Variants in SALL3 observed in about 807,000 individuals in gnomAD.
SALL3 encodes the protein sal-like protein 3.
In SALL3, 25 loss-of-function variants were observed where a neutral mutation model predicts 66.2. That is an observed-to-expected ratio of 0.38 (90% confidence interval 0.28 to 0.53). The LOEUF (loss-of-function observed/expected upper bound fraction) is 0.53. Ranked by LOEUF, SALL3 falls within the 20% of genes least tolerant of loss-of-function variation. The pLI is 0.85. For missense variants in SALL3, 2,194 were observed against 1,916.5 expected, an observed-to-expected ratio of 1.14 and a Z score of -2.70; for synonymous variants, 1,152 against 899.1, an observed-to-expected ratio of 1.28 and a Z score of -5.03.
chr18:78,983,660 C>T (rs114485647), intron 1 of SALL3, among the ~76,000 whole-genome samples: 28 of 152,256 alleles, frequency 1.8e-4, no homozygotes, highest in African/African-American at 5.3e-4. Flanking sequence ...CAGTGCTTGG[C>T]GCAGGATCTT....
intron 1 of SALL3, 31 bp downstream of exon 1, chr18:78,980,387 G>C (rs888036449): frequency 2.5e-4 from 327 of 1,320,910 alleles, no homozygotes; most frequent in Non-Finnish European, 3.0e-4. Context: ...GTGGCCGGGG[G>C]GTCTGGGGCT....
At position 78,980,233 on chromosome 18, in the gene SALL3, T is replaced by C. The variant is rs1913965240; in HGVS notation, c.-42T>C. On this transcript the variant is annotated 5_prime_UTR_variant, in exon 1 of 3. Transcript: ENST00000537592. ...GCGCCGTCCCCGCCGGCCGCCCCGC[T>C]GATGCCGCTGCCCCGCGCGGGGCCC... 3.9e-6 allele frequency: 4 copies of C among 1,023,050 alleles called. No individual in the cohort carries two copies. In the Admixed American group the frequency reaches 1.7e-4, roughly 43 times the overall value. 63.4% of individuals were successfully genotyped at this position (1,023,050 alleles called of 1,614,324 possible).
At position 78,997,596 on chromosome 18, in the gene SALL3, T is replaced by C. The variant is rs1050891413; in HGVS notation, c.*274T>C. On this transcript the variant is annotated 3_prime_UTR_variant, in exon 3 of 3. Coordinates refer to ENST00000537592, the MANE Select transcript of SALL3 (RefSeq NM_171999.4). ...TTAGGAACAGAAAGAGCTCAGACCA[T>C]GTCCACTTCCTTTCTCCTGAAACCT... is the stretch of plus-strand genomic sequence containing the variant. 4 of 467,226 alleles carry C rather than the reference T, an allele frequency of 8.6e-6. No homozygotes were observed. Among genetic ancestry groups the C allele is most frequent in the East Asian group, 3.2e-5 (1 of 30,958 alleles). 28.9% of individuals were successfully genotyped at this position (467,226 alleles called of 1,614,324 possible). A position where few individuals can be genotyped will look rare whatever the true frequency, so the allele number is the denominator to read the frequency against.
rs141579887 is a variant in SALL3 at position 78,993,461 on chromosome 18, C to T, written c.1470C>T (p.Asn490=). The part of the protein sequence containing the change: ...NPYPVPEYLD[N]VPTCSGIPYG... ...ACCCGGTCCCCGAGTACCTGGACAACGTGCCCACCTGCTCGGGCATCCCCT... is the reference window on the plus strand; with the variant it reads ...ACCCGGTCCCCGAGTACCTGGACAATGTGCCCACCTGCTCGGGCATCCCCT... The change falls in exon 2 of 3, where the codon AAC becomes AAT. Residue 490 remains asparagine (N), a synonymous_variant. Coordinates refer to ENST00000537592, the MANE Select transcript of SALL3 (RefSeq NM_171999.4). 4.5e-5 allele frequency: 72 copies of T among 1,612,768 alleles called. No individual in the cohort carries two copies. Among genetic ancestry groups the T allele is most frequent in the Non-Finnish European group, 5.7e-5 (67 of 1,179,940 alleles).
In SALL3 at chr18:78,994,597, C is replaced by T. The variant is rs542588380; in HGVS notation, c.2606C>T (p.Ser869Phe). The change falls in exon 2 of 3, where the codon TCC becomes TTC. Residue 869 changes from serine (S) to phenylalanine (F), a missense_variant. Transcript: ENST00000537592. Reference sequence around the variant, plus strand: ...GGCCTCAAGTCCGTGGAGAACGGGTCCGGGGAGAGTGACCGCCTGAGCAAC... The same window carrying T: ...GGCCTCAAGTCCGTGGAGAACGGGTTCGGGGAGAGTGACCGCCTGAGCAAC... The part of the protein sequence containing the change: ...LTGLKSVENG[S>F]GESDRLSNDS... 3.7e-6 allele frequency: 6 copies of T among 1,610,076 alleles called. No individual in the cohort carries two copies. In the African/African-American group the frequency reaches 6.7e-5, roughly 18 times the overall value.
Position 78,995,234 on chromosome 18 carries a change from C to T in SALL3, c.3243C>T (p.Pro1081=), listed in dbSNP as rs1040213150. 6.9e-6 allele frequency: 11 copies of T among 1,603,678 alleles called. No individual in the cohort carries two copies. Among genetic ancestry groups the T allele is most frequent in the East Asian group, 2.2e-5 (1 of 44,812 alleles). The part of the protein sequence containing the change: ...AMALGEGPPL[P]AGVQVPAGPQ... ...CGCTGGGCGAGGGTCCCCCGCTGCCCGCGGGCGTCCAGGTCCCCGCCGGGC... is the reference window on the plus strand; with the variant it reads ...CGCTGGGCGAGGGTCCCCCGCTGCCTGCGGGCGTCCAGGTCCCCGCCGGGC... Residue 1081 remains proline (P), a synonymous_variant, in exon 2 of 3, where the codon CCC becomes CCT. Coordinates refer to ENST00000537592, the MANE Select transcript of SALL3 (RefSeq NM_171999.4).
Position 78,992,467 on chromosome 18 carries a change from A to C in SALL3, c.476A>C (p.Tyr159Ser), listed in dbSNP as rs771761995. 1 of 1,443,148 alleles carries C rather than the reference A, an allele frequency of 6.9e-7. No homozygotes were observed. 89.4% of individuals were successfully genotyped at this position (1,443,148 alleles called of 1,614,324 possible). The change falls in exon 2 of 3, where the codon TAC (tyrosine) becomes TCC (serine). Residue 159 changes from tyrosine to serine, a missense_variant. Tyr to Ser is a moderately radical substitution (Grantham distance 144). Transcript: ENST00000537592. ...PAAPAPPTPA[Y>S]GAPSTNVTLE... ...GCCCCTGCACCCCCAACGCCCGCCT[A>C]CGGCGCGCCCAGCACCAACGTGACC...
chr18:78,994,475 C>G lies in SALL3; in HGVS notation c.2484C>G (p.Ser828=). Reference sequence around the variant, plus strand: ...AGCCACTCCTGTCCTACGCGGGGTCCTGCCCGCCCTCCCCGCCCTCGGTCA... The same window carrying G: ...AGCCACTCCTGTCCTACGCGGGGTCGTGCCCGCCCTCCCCGCCCTCGGTCA... ...PAKPLLSYAG[S]CPPSPPSVIS... The change falls in exon 2 of 3, where the codon TCC becomes TCG. Residue 828 remains serine, a synonymous_variant. Transcript: ENST00000537592. The G allele has an allele frequency of 6.2e-7, 1 of 1,611,170 alleles. No homozygotes were observed. Among genetic ancestry groups the G allele is most frequent in the South Asian group, 1.1e-5 (1 of 91,056 alleles).
Position 78,996,998 on chromosome 18 carries a change from T to C in SALL3, c.3579T>C (p.Ser1193=). The C allele has an allele frequency of 1.2e-6, 2 of 1,614,158 alleles. No individual in the cohort carries two copies. The highest frequency in any genetic ancestry group is 1.7e-6 in the Non-Finnish European group (2 of 1,180,052). ...TAGGGGGTGATGCCCTGAAGTTCTCTGAAATGTTCCAGAAGGACCTGGCAG... is the reference window on the plus strand; with the variant it reads ...TAGGGGGTGATGCCCTGAAGTTCTCCGAAATGTTCCAGAAGGACCTGGCAG... The part of the protein sequence containing the change: ...ALLGGDALKF[S]EMFQKDLAAR... Residue 1193 remains serine, a synonymous_variant, in exon 3 of 3, where the codon TCT becomes TCC. Transcript: ENST00000537592.
In SALL3 at chr18:78,994,627, C is replaced by A. The variant is rs1299906939; in HGVS notation, c.2636C>A (p.Ser879Tyr). Residue 879 changes from serine (S) to tyrosine (Y), a missense_variant, in exon 2 of 3, where the codon TCC becomes TAC. Physicochemically the swap from Ser to Tyr is moderately radical, Grantham distance 144. Coordinates refer to ENST00000537592, the MANE Select transcript of SALL3 (RefSeq NM_171999.4). ...SGESDRLSND[S>Y]SSAVGDLESR... ...GAGAGTGACCGCCTGAGCAACGACTCCTCGTCGGCCGTGGGCGACCTGGAG... is the reference window on the plus strand; with the variant it reads ...GAGAGTGACCGCCTGAGCAACGACTACTCGTCGGCCGTGGGCGACCTGGAG... 6.2e-7 allele frequency: 1 copy of A among 1,608,924 alleles called. No homozygotes were observed. Among genetic ancestry groups the A allele is most frequent in the Admixed American group, 1.7e-5 (1 of 59,832 alleles).
intron 1 of SALL3, among the ~76,000 whole-genome samples, 172 bp downstream of exon 1, chr18:78,980,528 G>C (rs1914002650): frequency 6.6e-6 from 1 of 151,504 alleles, no homozygotes; most frequent in Non-Finnish European, 1.5e-5. Context: ...CGGGTACTTC[G>C]CCGGAGCGCG....
Position 78,997,238 on chromosome 18 carries a change from C to CTCT in SALL3, c.3820_3821insCTT (p.Ser1273dup). On this transcript the variant is annotated inframe_insertion, in exon 3 of 3. Transcript: ENST00000537592. ...CTGGCAGTAGCCCACCCATCGTCAG[C>CTCT]TTGGACAAAGCGAGCTCAGAAACAG... 6.2e-7 allele frequency: 1 copy of CTCT among 1,614,034 alleles called. No homozygotes were observed. Among genetic ancestry groups the CTCT allele is most frequent in the Non-Finnish European group, 8.5e-7 (1 of 1,180,040 alleles).
At position 78,997,479 on chromosome 18, in the gene SALL3, G is replaced by A. The variant is rs1914739702; in HGVS notation, c.*157G>A. ...GGTGGTCTTGTAAGCGCTGCATGGC[G>A]CTCCCTTCAACAGCAAGCCTGACTG... On this transcript the variant is annotated 3_prime_UTR_variant, in exon 3 of 3. Transcript: ENST00000537592. 1.9e-5 allele frequency: 13 copies of A among 670,992 alleles called. 1 individual carries two copies. The East Asian group carries it at 2.5e-4, about 13-fold the overall frequency. The allele number at this position is 670,992 out of a possible 1,614,324, so 41.6% of individuals were successfully genotyped here. A position where few individuals can be genotyped will look rare whatever the true frequency, so the allele number is the denominator to read the frequency against.
intron 1 of SALL3, among the ~76,000 whole-genome samples, chr18:78,989,981 T>G (rs1324312371): frequency 6.6e-6 from 1 of 152,214 alleles, no homozygotes; most frequent in Non-Finnish European, 1.5e-5. Flanking sequence ...TTCTTTGCAT[T>G]TTGTGATTAT....
At position 78,994,256 on chromosome 18, in the gene SALL3, G is replaced by A. The variant is rs759455064; in HGVS notation, c.2265G>A (p.Gln755=). ...QKKFTNAVVL[Q]QHIRMHMGGQ... ...AGTTCACCAACGCCGTGGTCCTGCA[G>A]CAGCACATCCGCATGCACATGGGCG... The change falls in exon 2 of 3, where the codon CAG becomes CAA. Residue 755 remains glutamine (Q), a synonymous_variant. Transcript: ENST00000537592. 1.1e-5 allele frequency: 17 copies of A among 1,613,664 alleles called. No homozygotes were observed. The highest frequency in any genetic ancestry group is 1.6e-4 in the Middle Eastern group (1 of 6,084).
At chr18:78,996,562 T>G (rs1026375970) in intron 2 of SALL3, among the ~76,000 whole-genome samples, 2 of 152,182 alleles carry the variant, frequency 1.3e-5, no homozygotes, top group Non-Finnish European at 2.9e-5. Flanking sequence ...CTTGGGCAAG[T>G]GAAGGAGCAA....
chr18:78,994,200 G>A lies in SALL3; in HGVS notation c.2209G>A (p.Val737Met), dbSNP rs147654064. Residue 737 changes from valine to methionine, a missense_variant, in exon 2 of 3, where the codon GTG becomes ATG. Physicochemically the swap from Val to Met is conservative, Grantham distance 21. Coordinates refer to ENST00000537592, the MANE Select transcript of SALL3 (RefSeq NM_171999.4). ...GVHRAKPPLR[V>M]QHSCPICQKK... is the part of the protein sequence containing the mutation. ...GCACCGTGCAAAGCCGCCCCTGCGCGTGCAGCACTCCTGCCCCATCTGCCA... is the reference window on the plus strand; with the variant it reads ...GCACCGTGCAAAGCCGCCCCTGCGCATGCAGCACTCCTGCCCCATCTGCCA... The A allele has an allele frequency of 2.9e-5, 47 of 1,613,372 alleles. No homozygotes were observed. The highest frequency in any genetic ancestry group is 4.0e-5 in the African/African-American group (3 of 74,944).
chr18:78,994,506 A>G lies in SALL3; in HGVS notation c.2515A>G (p.Ser839Gly). The G allele has an allele frequency of 7.1e-7, 1 of 1,400,392 alleles. No individual in the cohort carries two copies. The highest frequency in any genetic ancestry group is 9.6e-7 in the Non-Finnish European group (1 of 1,044,712). The allele number at this position is 1,400,392 out of a possible 1,614,324, so 86.7% of individuals were successfully genotyped here. The change falls in exon 2 of 3, where the codon AGC becomes GGC. Residue 839 changes from serine (S) to glycine (G), a missense_variant. Coordinates refer to ENST00000537592, the MANE Select transcript of SALL3 (RefSeq NM_171999.4). ...GCCCTCCCCGCCCTCGGTCATCTCC[A>G]GCATTGCCGCCCTGGAGAACCAGAT... is the stretch of plus-strand genomic sequence containing the variant. ...CPPSPPSVISSIAALENQMKM... is the reference protein window; with the variant it reads ...CPPSPPSVISGIAALENQMKM...
chr18:78,980,806 CG>C (rs1439111482), intron 1 of SALL3, among the ~76,000 whole-genome samples: 21 of 152,164 alleles, frequency 1.4e-4, no homozygotes, highest in Non-Finnish European at 2.6e-4. Context: ...CAGCTTTGTT[CG>C]GGGGCCCGCG....
Sources: allele counts gnomAD v4.1 joint callset (sites outside exome capture counted in the v4.1 genomes callset), GRCh38; gene constraint gnomAD v4.1.1; transcripts MANE v1.5; gene names NCBI Gene and HGNC (gene_info 2026-07-23, HGNC 2026-07-21).